SHKBP1: variants seen among roughly 807,000 people sequenced by gnomAD.
SHKBP1 encodes the protein SH3KBP1 binding protein 1.
Under a neutral mutation model 83.9 loss-of-function variants are expected in SHKBP1, and 71 were observed. The observed-to-expected ratio is 0.85, with a 90% confidence interval of 0.70 to 1.03. SHKBP1 has a LOEUF of 1.03. Ranked by LOEUF, SHKBP1 falls within the 50% of genes least tolerant of loss-of-function variation. SHKBP1 has a pLI of 0.00. For synonymous variants in SHKBP1, 371 were observed against 398.0 expected, an observed-to-expected ratio of 0.93 and a Z score of 0.81; for missense variants, 824 against 982.4, an observed-to-expected ratio of 0.84 and a Z score of 2.16.
chr19:40,585,521 T>C (rs1568392106), intron 12 of SHKBP1: 1 of 151,640 alleles, frequency 6.6e-6, no homozygotes, highest in African/African-American at 2.4e-5. Context: ...CTTATTTCTT[T>C]TTTTTCTTTC....
rs1055248944 is a variant in SHKBP1, at chr19:40,589,128, G to A, written c.1539G>A (p.Val513=). ...ACCAGCAAGTGTTCATCCAGAAGGT[G>A]GTGCCCAGTGCCAGCCAGCTCTTCG... ...RDDQQVFIQK[V]VPSASQLFVR... The change falls in exon 15 of 18, where the codon GTG becomes GTA. Residue 513 remains valine (V), a synonymous_variant. Transcript: ENST00000291842. The A allele has an allele frequency of 8.1e-6, 13 of 1,613,558 alleles. No homozygotes were observed. In the African/African-American group the frequency reaches 1.1e-4, roughly 13 times the overall value.
Position 40,591,055 on chromosome 19 carries a change from C to T in SHKBP1, c.1972C>T (p.Arg658Cys), listed in dbSNP as rs199788239. 5.8e-5 allele frequency: 93 copies of T among 1,612,962 alleles called. No homozygotes were observed. Among genetic ancestry groups the T allele is most frequent in the Non-Finnish European group, 6.8e-5 (80 of 1,179,270 alleles). ...PSPPQAEARR[R>C]GGGSFVERCQ... ...CCCCCCGCAGGCTGAGGCCCGGCGC[C>T]GTGGTGGGGGCAGCTTTGTGGAACG... is the stretch of plus-strand genomic sequence containing the variant. The change falls in exon 18 of 18, where the codon CGT becomes TGT. Residue 658 changes from arginine (R) to cysteine (C), a missense_variant. Around this residue, in one of 3 missense-constraint regions of SHKBP1, gnomAD observed 287 missense variants for 322.9 expected, o/e 0.89. Coordinates refer to ENST00000291842, the MANE Select transcript of SHKBP1 (RefSeq NM_138392.4).
rs529875675 is a variant in SHKBP1, at chr19:40,578,201, T to G, written c.308T>G (p.Leu103Arg). ...CTCCATGAAGCCCAGTTCTATGGGC[T>G]CACTCCTCTGGGTAAGTGGGAGCCC... ...SLLHEAQFYG[L>R]TPLVRRLQLR... The change falls in exon 5 of 18, where the codon CTC becomes CGC. Residue 103 changes from leucine to arginine, a missense_variant. Leu to Arg is a moderately radical substitution (Grantham distance 102). Coordinates refer to ENST00000291842, the MANE Select transcript of SHKBP1 (RefSeq NM_138392.4). 2.5e-6 allele frequency: 4 copies of G among 1,614,160 alleles called. No homozygotes were observed. The South Asian group carries it at 4.4e-5, about 18-fold the overall frequency.
intron 6 of SHKBP1, among the ~76,000 whole-genome samples, chr19:40,578,804 A>AG (rs370946552): frequency 1.3e-5 from 2 of 151,982 alleles, no homozygotes; most frequent in Non-Finnish European, 2.9e-5. Flanking sequence ...GTTTCTTTGT[A>AG]GGGGGGGCTT....
intron 6 of SHKBP1, among the ~76,000 whole-genome samples, chr19:40,579,132 A>G (rs894567758): frequency 6.6e-6 from 1 of 150,716 alleles, no homozygotes; most frequent in Non-Finnish European, 1.5e-5. Flanking sequence ...TAATTTTATG[A>G]GACAGGGTCT....
At chr19:40,578,259 C>A (rs761095749) in intron 5 of SHKBP1, 47 bp downstream of exon 5, 18 of 1,572,448 alleles carry the variant, frequency 1.1e-5, no homozygotes, top group Non-Finnish European at 1.5e-5. Flanking sequence ...AGAAAACCAA[C>A]TCTGTGATGC....
chr19:40,577,970 C>T lies in SHKBP1; in HGVS notation c.261-184C>T, dbSNP rs2081233780. On this transcript the variant is annotated intron_variant, in intron 4 of 17. Coordinates refer to ENST00000291842, the MANE Select transcript of SHKBP1 (RefSeq NM_138392.4). ...CCCTACACACACACACACACACACA[C>T]ACACACACACACACACACACACTCA... is the stretch of plus-strand genomic sequence containing the variant. 6 of 676,450 alleles carry T rather than the reference C, an allele frequency of 8.9e-6. No individual in the cohort carries two copies. The Admixed American group carries it at 8.9e-5, about 10-fold the overall frequency. 41.9% of individuals were successfully genotyped at this position (676,450 alleles called of 1,614,324 possible). A position where few individuals can be genotyped will look rare whatever the true frequency, so the allele number is the denominator to read the frequency against.
At chr19:40,588,810 ACTGACCCCCTTAC>A in intron 14 of SHKBP1, 31 bp downstream of exon 14, 1 of 1,607,542 alleles carries the variant, frequency 6.2e-7, no homozygotes, top group Non-Finnish European at 8.5e-7. Context: ...TTCCCACCCC[ACTGACCCCCTTAC>A]CTGACCCCTG....
In SHKBP1 at chr19:40,588,689, C is replaced by T. The variant is rs2081331203; in HGVS notation, c.1402C>T (p.Gln468Ter). The change falls in exon 14 of 18, where the codon CAG becomes TAG. Residue 468 changes from glutamine to a stop codon, truncating the protein, a stop_gained. Coordinates refer to ENST00000291842, the MANE Select transcript of SHKBP1 (RefSeq NM_138392.4). LOFTEE classifies it high-confidence loss of function. ...VTRFRGMISTQPGSTPLASFK... is the reference protein window; with the variant it reads ...VTRFRGMIST ...TCGCTTCCGCGGCATGATTTCCACCCAGCCCGGCTCCACCCCACTCGCTTC... is the reference window on the plus strand; with the variant it reads ...TCGCTTCCGCGGCATGATTTCCACCTAGCCCGGCTCCACCCCACTCGCTTC... 6.2e-7 allele frequency: 1 copy of T among 1,614,192 alleles called. No homozygotes were observed. The highest frequency in any genetic ancestry group is 8.5e-7 in the Non-Finnish European group (1 of 1,180,034).
intron 1 of SHKBP1, 106 bp from the exon 2 acceptor site, chr19:40,577,125 C>A: frequency 7.0e-7 from 1 of 1,420,242 alleles, no homozygotes; most frequent in Non-Finnish European, 9.7e-7. Flanking sequence ...TCTGGAAAAA[C>A]GCCGGGGGAG....
chr19:40,591,181 A>G lies in SHKBP1; in HGVS notation c.2098A>G (p.Met700Val), dbSNP rs1040291857. The G allele has an allele frequency of 6.3e-7, 1 of 1,589,310 alleles. No homozygotes were observed. The highest frequency in any genetic ancestry group is 1.7e-5 in the Admixed American group (1 of 59,190). Reference sequence around the variant, plus strand: ...CGGCACTCCCCTCACACCTCCCAAGATGAAGCTCAATGAAACTTCCTTTTG... The same window carrying G: ...CGGCACTCCCCTCACACCTCCCAAGGTGAAGCTCAATGAAACTTCCTTTTG... The part of the protein sequence containing the change: ...GLGTPLTPPK[M>V]KLNETSF The change falls in exon 18 of 18, where the codon ATG (methionine) becomes GTG (valine). Residue 700 changes from methionine (M) to valine (V), a missense_variant. Met to Val is a conservative substitution (Grantham distance 21). Around this residue, in one of 3 missense-constraint regions of SHKBP1, gnomAD observed 287 missense variants for 322.9 expected, o/e 0.89. Transcript: ENST00000291842.
intron 6 of SHKBP1, 45 bp downstream of exon 6, chr19:40,578,587 G>A (rs2081242020): frequency 6.4e-7 from 1 of 1,563,734 alleles, no homozygotes; most frequent in Admixed American, 1.7e-5. Context: ...GTGGGCCAAA[G>A]ACTACATTTC....
Position 40,582,515 on chromosome 19 carries a change from G to A in SHKBP1, c.960+49G>A, listed in dbSNP as rs1345252015. The A allele has an allele frequency of 3.3e-6, 5 of 1,529,790 alleles. No homozygotes were observed. The East Asian group carries it at 6.8e-5, about 21-fold the overall frequency. 94.8% of individuals were successfully genotyped at this position (1,529,790 alleles called of 1,614,324 possible). ...TGCCCCCTTCCCAGTTTTCCAGACT[G>A]TACAGACCCAGGAAGGGGTTCACGT... On this transcript the variant is annotated intron_variant, in intron 10 of 17. Coordinates refer to ENST00000291842, the MANE Select transcript of SHKBP1 (RefSeq NM_138392.4).
At chr19:40,589,659 G>T (rs927619903) in intron 15 of SHKBP1, among the ~76,000 whole-genome samples, 2 of 151,938 alleles carry the variant, frequency 1.3e-5, no homozygotes, top group East Asian at 1.9e-4. Flanking sequence ...TGGATGAAGG[G>T]ACTCTGAGCA....
chr19:40,590,740 G>A lies in SHKBP1; in HGVS notation c.1779G>A (p.Leu593=). 6.3e-7 allele frequency: 1 copy of A among 1,592,638 alleles called. No individual in the cohort carries two copies. Among genetic ancestry groups the A allele is most frequent in the Non-Finnish European group, 8.6e-7 (1 of 1,163,902 alleles). The stretch of plus-strand genomic sequence containing the variant: ...TTCCGTGCCCCCCAGCAGGTGGCCT[G>A]ACGGAGCAAGAGCTGATGGAACAGC... ...DGLGQAPAGG[L]TEQELMEQLE... Residue 593 remains leucine (L), a synonymous_variant, in exon 17 of 18, where the codon CTG becomes CTA. Transcript: ENST00000291842. This position sits in a 1 kb window ranked among gnomAD's most constrained non-coding sequence, Gnocchi z 4.6.
intron 12 of SHKBP1, among the ~76,000 whole-genome samples, chr19:40,585,115 A>T (rs1169389545): frequency 6.7e-6 from 1 of 150,310 alleles, no homozygotes; most frequent in Non-Finnish European, 1.5e-5. Context: ...TTCTTTTTTA[A>T]AAAAAAATAG....
At chr19:40,577,489 G>C in intron 3 of SHKBP1, 48 bp downstream of exon 3, 1 of 1,613,988 alleles carries the variant, frequency 6.2e-7, no homozygotes. Context: ...GGGTTGGTAG[G>C]AAGAGGGGCA....
Position 40,588,615 on chromosome 19 carries a change from G to A in SHKBP1, c.1337-9G>A. On this transcript the variant is annotated splice_polypyrimidine_tract_variant and intron_variant, in intron 13 of 17. Coordinates refer to ENST00000291842, the MANE Select transcript of SHKBP1 (RefSeq NM_138392.4). ...AGGCCTGACTTCCTGCTCTCCTTGT[G>A]CCCCTCAGTCTGTGCCGACAACAAC... is the stretch of plus-strand genomic sequence containing the variant. The A allele has an allele frequency of 6.2e-7, 1 of 1,614,128 alleles. No homozygotes were observed. Among genetic ancestry groups the A allele is most frequent in the East Asian group, 2.2e-5 (1 of 44,890 alleles).
intron 9 of SHKBP1, 61 bp from the exon 10 acceptor site, chr19:40,582,290 C>T (rs1166250043): frequency 1.5e-6 from 2 of 1,348,020 alleles, no homozygotes; most frequent in Middle Eastern, 1.8e-4. Flanking sequence ...TGGAGTTCTT[C>T]CTCCCACCTC....
Sources: gnomAD v4.1 joint callset for allele counts (sites outside exome capture counted in the v4.1 genomes callset) on GRCh38, gnomAD v4.1.1 for gene constraint, gnomAD v4.1.1 regional missense constraint, Gnocchi (gnomAD v3.1) non-coding constraint, MANE v1.5 for transcripts, NCBI Gene and HGNC (gene_info 2026-07-23, HGNC 2026-07-21) for gene names.